SLC4A4: variants seen among roughly 807,000 people sequenced by gnomAD.
SLC4A4 encodes the protein electrogenic sodium bicarbonate cotransporter 1.
In SLC4A4, 27 loss-of-function variants were observed where a neutral mutation model predicts 111.5. That is an observed-to-expected ratio of 0.24 (90% confidence interval 0.18 to 0.33). The LOEUF is 0.33. SLC4A4 is among the 10% of genes least tolerant of loss of function. SLC4A4 has a pLI of 1.00. For synonymous variants in SLC4A4, 443 were observed against 463.4 expected (o/e 0.96, Z 0.57); for missense variants, 909 against 1,315.5 (o/e 0.69, Z 4.78).
chr4:71,089,506 T>C lies in SLC4A4; in HGVS notation c.-64-3224T>C, dbSNP rs373623352. Among the ~76,000 whole-genome samples the C allele has an allele frequency of 1.1e-4, 17 of 152,144 alleles. No individual in the cohort carries two copies. The East Asian group carries it at 2.9e-3, about 26-fold the overall frequency. ...TAGAGTTTCCAGTTTTTCTGCTCTG[T>C]TTTTTCCCCATCTTTGTGGTTTTAT... On this transcript the variant is annotated intron_variant, in intron 1 of 26. Coordinates refer to the SLC4A4 transcript ENST00000649996.
rs779461243 is a variant in SLC4A4, at chr4:71,473,106, C to T, written c.1903+136C>T. The T allele has an allele frequency of 3.2e-5, 32 of 1,002,764 alleles. No homozygotes were observed. The African/African-American group carries it at 4.4e-4, about 14-fold the overall frequency. 62.1% of individuals were successfully genotyped at this position (1,002,764 alleles called of 1,614,324 possible). On this transcript the variant is annotated intron_variant, in intron 14 of 25. Transcript: ENST00000264485. ...TTTTTTTCTCTGAAAAACTCTGCTA[C>T]TGAATTTGATGTCTCATTGCCTGAG...
rs1317744523 is a variant in SLC4A4 at position 71,403,899 on chromosome 4, A to G, written c.807+6246A>G. Among the ~76,000 whole-genome samples, 3 of 152,284 alleles carry G rather than the reference A, an allele frequency of 2.0e-5. No homozygotes were observed. In the East Asian group the frequency reaches 5.8e-4, roughly 29 times the overall value. On this transcript the variant is annotated intron_variant, in intron 7 of 25. Transcript: ENST00000264485. The stretch of plus-strand genomic sequence containing the variant: ...ATATTAAGTATTGTATGAATATCCC[A>G]GTGCATTAAAATGAGAGCTCACAGA...
chr4:71,198,208 T>C (rs895794891), intron 1 of SLC4A4, among the ~76,000 whole-genome samples: 1 of 152,230 alleles, frequency 6.6e-6, no homozygotes, highest in Admixed American at 6.5e-5. Flanking sequence ...TTACAATATA[T>C]GTGAAAGCAC....
At chr4:71,553,055 T>C (rs1276484320) in intron 20 of SLC4A4, among the ~76,000 whole-genome samples, 1 of 151,902 alleles carries the variant, frequency 6.6e-6, no homozygotes, top group Non-Finnish European at 1.5e-5. Flanking sequence ...CATCAAGTTT[T>C]CCATATTGGA....
intron 7 of SLC4A4, among the ~76,000 whole-genome samples, chr4:71,399,865 A>G (rs750435022): frequency 2.6e-5 from 4 of 152,254 alleles, no homozygotes; most frequent in Non-Finnish European, 5.9e-5. Context: ...TCAGATGCTA[A>G]TGTGGATTGT....
intron 3 of SLC4A4, among the ~76,000 whole-genome samples, chr4:71,292,431 G>A (rs1162312738): frequency 6.6e-6 from 1 of 152,090 alleles, no homozygotes; most frequent in Non-Finnish European, 1.5e-5. Flanking sequence ...TACAGCTTTG[G>A]CATAATTGAG....
In SLC4A4 at chr4:71,063,989, AG is replaced by A. The variant is rs1560700688; in HGVS notation, c.-65+1203del. 2.6e-5 allele frequency among the ~76,000 whole-genome samples: 4 copies of A among 152,152 alleles called. No individual in the cohort carries two copies. The South Asian group carries it at 8.3e-4, about 32-fold the overall frequency. On this transcript the variant is annotated intron_variant, in intron 1 of 26. Transcript: ENST00000649996. ...GCTTTATTGTTTACAAAGGACCTAAAGGTCCTTTGATTATTACACACTGTAT... is the reference window on the plus strand; with the variant it reads ...GCTTTATTGTTTACAAAGGACCTAAAGTCCTTTGATTATTACACACTGTAT...
chr4:71,437,306 T>A, intron 7 of SLC4A4: 1 of 363,590 alleles, frequency 2.8e-6, no homozygotes, highest in Non-Finnish European at 5.4e-6. Context: ...CCACTTCCAA[T>A]AACACGGTTT....
chr4:71,289,056 G>A (rs1724133708), intron 3 of SLC4A4, among the ~76,000 whole-genome samples: 1 of 152,138 alleles, frequency 6.6e-6, no homozygotes, highest in South Asian at 2.1e-4. Flanking sequence ...AATGTGCTTT[G>A]TTATACCTCT....
At chr4:71,330,598 A>C (rs993713598) in intron 3 of SLC4A4, among the ~76,000 whole-genome samples, 16 of 152,166 alleles carry the variant, frequency 1.1e-4, no homozygotes, top group African/African-American at 3.6e-4. Flanking sequence ...ATGGATTAAA[A>C]ACTTAAATAT....
At position 71,397,673 on chromosome 4, in the gene SLC4A4, T is replaced by C. The variant is rs780703297; in HGVS notation, c.807+20T>C. ...GACCAGGTAAGCAAAAAATTCTTGC[T>C]TCTTTGAAATGTAAGAGAACGTATA... On this transcript the variant is annotated intron_variant, in intron 7 of 25. Transcript: ENST00000264485. 3 of 1,595,288 alleles carry C rather than the reference T, an allele frequency of 1.9e-6. No homozygotes were observed. Among genetic ancestry groups the C allele is most frequent in the Non-Finnish European group, 2.6e-6 (3 of 1,162,876 alleles).
intron 16 of SLC4A4, among the ~76,000 whole-genome samples, chr4:71,520,364 A>C (rs1732817992): frequency 6.6e-6 from 1 of 152,222 alleles, no homozygotes; most frequent in South Asian, 2.1e-4. Flanking sequence ...TATTAGTCAG[A>C]TCAACCAGCA....
chr4:71,335,002 C>T (rs1277651701), intron 3 of SLC4A4, among the ~76,000 whole-genome samples: 1 of 152,104 alleles, frequency 6.6e-6, no homozygotes, highest in African/African-American at 2.4e-5. Flanking sequence ...CTTCTCCCTT[C>T]TAGAAGCTAA....
At chr4:71,455,261 A>C (rs1317975050) in intron 12 of SLC4A4, among the ~76,000 whole-genome samples, 1 of 152,206 alleles carries the variant, frequency 6.6e-6, no homozygotes, top group Non-Finnish European at 1.5e-5. Flanking sequence ...CTGTGTTACC[A>C]GTGAGAGATC....
At chr4:71,398,414 T>C (rs186819159) in intron 7 of SLC4A4, among the ~76,000 whole-genome samples, 3 of 152,152 alleles carry the variant, frequency 2.0e-5, no homozygotes, top group Non-Finnish European at 4.4e-5. Flanking sequence ...TTAAAACATA[T>C]AGTTGAATGA....
At chr4:71,443,132 A>C (rs1443882635) in intron 8 of SLC4A4, among the ~76,000 whole-genome samples, 125 of 130,598 alleles carry the variant, frequency 9.6e-4, no homozygotes, top group Non-Finnish European at 1.3e-3. Flanking sequence ...ATATATATAT[A>C]TATATATATA....
chr4:71,360,811 ATAT>A (rs557612424), intron 6 of SLC4A4, among the ~76,000 whole-genome samples: 4 of 152,286 alleles, frequency 2.6e-5, no homozygotes, highest in South Asian at 4.1e-4. Context: ...TGTGTGCTAC[ATAT>A]TGTTGTAGGA....
chr4:71,124,312 C>T (rs1280164860), intron 2 of SLC4A4, among the ~76,000 whole-genome samples: 1 of 151,960 alleles, frequency 6.6e-6, no homozygotes, highest in African/African-American at 2.4e-5. Context: ...GCTGGGACTA[C>T]AGGTGCCCGC....
intron 1 of SLC4A4, among the ~76,000 whole-genome samples, chr4:71,211,787 T>C (rs4021302): frequency 9.2e-6 from 1 of 109,276 alleles, no homozygotes; most frequent in Non-Finnish European, 2.1e-5. Flanking sequence ...TTTTTTTTTT[T>C]TTTTGTGTGT....
Sources: allele counts gnomAD v4.1 joint callset (sites outside exome capture counted in the v4.1 genomes callset), GRCh38; gene constraint gnomAD v4.1.1; transcripts MANE v1.5; gene names NCBI Gene and HGNC (gene_info 2026-07-23, HGNC 2026-07-21).